The following ARHGEF18 variants were observed in gnomAD, a reference collection of about 807,000 sequenced individuals.
ARHGEF18 encodes rho guanine nucleotide exchange factor 18.
A neutral mutation model predicts 155.7 loss-of-function variants in ARHGEF18; 93 were observed. The ratio of observed to expected loss-of-function variants is 0.60; its 90% CI spans 0.50 to 0.71. ARHGEF18 has a LOEUF of 0.71. Among genes scored for constraint, ARHGEF18 ranks in the 30% least tolerant of loss-of-function variants. The pLI is 0.00. For synonymous variants in ARHGEF18, 742 were observed against 753.1 expected (o/e 0.99, Z 0.24); for missense variants, 1,593 against 1,816.1 (o/e 0.88, Z 2.23).
intron 2 of ARHGEF18, among the ~76,000 whole-genome samples, chr19:7,365,169 C>T (rs574987778): frequency 1.3e-5 from 2 of 152,234 alleles, no homozygotes; most frequent in South Asian, 2.1e-4. Flanking sequence ...GAGGCCGAGG[C>T]GGGCAGATCA....
rs1555729790 is a variant in ARHGEF18 at position 7,466,836 on chromosome 19, A to AAAAAAGAAAAAAAAAAAGG, written c.2905-80_2905-79insAAAGAAAAAAAAAAAGGAA. The AAAAAAGAAAAAAAAAAAGG allele has an allele frequency of 4.6e-6, 5 of 1,085,984 alleles. No homozygotes were observed. In the African/African-American group the frequency reaches 8.9e-5, roughly 19 times the overall value. The allele number at this position is 1,085,984 out of a possible 1,614,324, so 67.3% of individuals were successfully genotyped here. Reference sequence around the variant, plus strand: ...AAAAAAAAAAAAAAAAGTTAAAAAAAAAGAAGAAGAAGAAGAAGGCTTGAG... The same window carrying AAAAAAGAAAAAAAAAAAGG: ...AAAAAAAAAAAAAAAAGTTAAAAAAAAAAAAGAAAAAAAAAAAGGAAGAAGAAGAAGAAGAAGGCTTGAG... On this transcript the variant is annotated intron_variant, in intron 23 of 28. Transcript: ENST00000668164.
chr19:7,448,376 C>T (rs1278082236), intron 15 of ARHGEF18, among the ~76,000 whole-genome samples: 3 of 152,050 alleles, frequency 2.0e-5, no homozygotes, highest in Non-Finnish European at 4.4e-5. Flanking sequence ...ATTAGCCAGG[C>T]GTAGGCCGGG....
intron 10 of ARHGEF18, among the ~76,000 whole-genome samples, chr19:7,438,168 A>G (rs1974392666): frequency 7.2e-6 from 1 of 138,854 alleles, no homozygotes; most frequent in Non-Finnish European, 1.6e-5. Flanking sequence ...TGGCACAATC[A>G]TAGCTCACTG....
At chr19:7,427,654 A>C (rs1026386442) in intron 10 of ARHGEF18, among the ~76,000 whole-genome samples, 9 of 149,620 alleles carry the variant, frequency 6.0e-5, no homozygotes, top group African/African-American at 1.7e-4. Context: ...CTAAAAAAAA[A>C]AAAAAAGAAG....
chr19:7,427,286 C>T (rs1226768366), intron 10 of ARHGEF18, among the ~76,000 whole-genome samples: 2 of 152,158 alleles, frequency 1.3e-5, no homozygotes, highest in Non-Finnish European at 2.9e-5. Context: ...AGTGTGTCTA[C>T]CCAGTACCCT....
At position 7,405,633 on chromosome 19, in the gene ARHGEF18, C is replaced by G. The variant is rs143398506; in HGVS notation, c.967+22430C>G. Among the ~76,000 whole-genome samples the G allele has an allele frequency of 1.6e-3, 248 of 152,250 alleles. 6 individuals are homozygous for G. In the East Asian group the frequency reaches 0.042, roughly 25 times the overall value. ...TTTGTTTTAGTTTTTGTTTTTGAAA[C>G]AGGGTCTTGCTCTGTTGCCCAGGCT... is the stretch of plus-strand genomic sequence containing the variant. On this transcript the variant is annotated intron_variant, in intron 10 of 28. Transcript: ENST00000668164.
At chr19:7,458,108 G>A (rs1975961019) in intron 18 of ARHGEF18, among the ~76,000 whole-genome samples, 1 of 151,712 alleles carries the variant, frequency 6.6e-6, no homozygotes, top group African/African-American at 2.4e-5. Flanking sequence ...GCAACATAGT[G>A]AGATCCCATC....
At position 7,444,483 on chromosome 19, in the gene ARHGEF18, T is replaced by A; in HGVS notation, c.1611+29T>A. On this transcript the variant is annotated intron_variant, in intron 14 of 28. Coordinates refer to ENST00000668164, the MANE Select transcript of ARHGEF18 (RefSeq NM_001367823.1). This position sits in a 1 kb window ranked among gnomAD's most constrained non-coding sequence, Gnocchi z 4.7. ...GGTGCAGCCGTGTTCATCTCAACAG[T>A]CTTCAAAGCCTCTGCCTTGTCTCTG... 1.2e-6 allele frequency: 2 copies of A among 1,606,846 alleles called. No individual in the cohort carries two copies. Among genetic ancestry groups the A allele is most frequent in the Non-Finnish European group, 1.7e-6 (2 of 1,175,584 alleles).
At chr19:7,469,545 G>T (rs1415407190) in intron 27 of ARHGEF18, among the ~76,000 whole-genome samples, 1 of 152,226 alleles carries the variant, frequency 6.6e-6, no homozygotes, top group Non-Finnish European at 1.5e-5. Flanking sequence ...TGTTTCCACG[G>T]AGGATGTCCA....
At chr19:7,386,652 G>A (rs984327943) in intron 10 of ARHGEF18, among the ~76,000 whole-genome samples, 6 of 152,066 alleles carry the variant, frequency 3.9e-5, no homozygotes, top group African/African-American at 1.4e-4. Context: ...CAGCAGAAAG[G>A]CCAGTGTGCT....
intron 3 of ARHGEF18, among the ~76,000 whole-genome samples, chr19:7,373,849 A>ATTT (rs57703407): frequency 0.16 from 19,013 of 121,876 alleles, 3,668 homozygotes; most frequent in African/African-American, 0.46. Flanking sequence ...TCCTATGAGA[A>ATTT]TTTTTTTTTT....
chr19:7,380,651 T>C (rs1314554383), intron 7 of ARHGEF18, among the ~76,000 whole-genome samples: 1 of 151,470 alleles, frequency 6.6e-6, no homozygotes, highest in Non-Finnish European at 1.5e-5. Flanking sequence ...ACCACTGCAC[T>C]CCAGCCTGGG....
At chr19:7,362,719 G>T (rs901464130) in intron 1 of ARHGEF18, 62 bp from the exon 2 acceptor site, 82 of 1,227,500 alleles carry the variant, frequency 6.7e-5, no homozygotes, top group Non-Finnish European at 7.8e-5. Context: ...GCAGAATCCA[G>T]GTCCTGGCTT....
chr19:7,453,087 T>A (rs1192507208), intron 16 of ARHGEF18, among the ~76,000 whole-genome samples: 1 of 151,794 alleles, frequency 6.6e-6, no homozygotes, highest in Non-Finnish European at 1.5e-5. Context: ...TAATCCCAGC[T>A]ACTTGGGAGA....
chr19:7,353,256 G>T (rs1969199903), intron 1 of ARHGEF18, among the ~76,000 whole-genome samples: 1 of 151,878 alleles, frequency 6.6e-6, no homozygotes, highest in African/African-American at 2.4e-5. Context: ...TTCTTGGTGG[G>T]AGAATAAATC....
intron 10 of ARHGEF18, among the ~76,000 whole-genome samples, chr19:7,417,559 G>A (rs911913789): frequency 2.0e-5 from 3 of 152,184 alleles, no homozygotes; most frequent in Admixed American, 1.3e-4. Flanking sequence ...TCAGCCAGAC[G>A]AGTGGCGCAC....
chr19:7,419,529 A>C (rs914738561), intron 10 of ARHGEF18, among the ~76,000 whole-genome samples: 2 of 152,018 alleles, frequency 1.3e-5, no homozygotes, highest in African/African-American at 2.4e-5. Flanking sequence ...CTGTCTCAGA[A>C]GGACCCCTCT....
At chr19:7,373,571 G>T (rs1292116976) in intron 3 of ARHGEF18, among the ~76,000 whole-genome samples, 1 of 151,720 alleles carries the variant, frequency 6.6e-6, no homozygotes, top group Non-Finnish European at 1.5e-5. Flanking sequence ...CGCCTCCTGG[G>T]TTCAAGCGAT....
chr19:7,426,619 C>T (rs932075406), intron 10 of ARHGEF18, among the ~76,000 whole-genome samples: 4 of 152,162 alleles, frequency 2.6e-5, no homozygotes, highest in African/African-American at 9.7e-5. Context: ...TTCCCACCTC[C>T]ACCTCAGTTT....
Sources: allele counts gnomAD v4.1 joint callset (sites outside exome capture counted in the v4.1 genomes callset), GRCh38; gene constraint gnomAD v4.1.1; non-coding constraint Gnocchi (gnomAD v3.1); transcripts MANE v1.5; gene names NCBI Gene and HGNC (gene_info 2026-07-23, HGNC 2026-07-21).